The following CADM2 variants were observed in gnomAD, a reference collection of about 807,000 sequenced individuals.
CADM2 encodes the protein cell adhesion molecule 2.
In CADM2, 12 loss-of-function variants were observed where a neutral mutation model predicts 49.8. The observed-to-expected ratio is 0.24, with a 90% CI of 0.15 to 0.39. CADM2 has a LOEUF of 0.39. Among genes scored for constraint, CADM2 ranks in the 10% least tolerant of loss-of-function variants. The pLI is 1.00. For missense variants in CADM2, 378 were observed against 492.3 expected (o/e 0.77, Z 2.20); for synonymous variants, 214 against 175.4 (o/e 1.22, Z -1.74).
chr3:84,966,102 G>T (rs1358104240), intron 1 of CADM2, among the ~76,000 whole-genome samples: 1 of 152,124 alleles, frequency 6.6e-6, no homozygotes, highest in Non-Finnish European at 1.5e-5. Flanking sequence ...AGCCCAGTTG[G>T]TCCTGTTAAT....
At chr3:85,960,241 G>A (rs1724648349) in intron 7 of CADM2, among the ~76,000 whole-genome samples, 1 of 151,736 alleles carries the variant, frequency 6.6e-6, no homozygotes, top group Admixed American at 6.6e-5. Context: ...TGTTAGAATG[G>A]TATATATCCT....
At chr3:85,088,618 C>T (rs546280266) in intron 1 of CADM2, among the ~76,000 whole-genome samples, 2 of 151,814 alleles carry the variant, frequency 1.3e-5, no homozygotes, top group East Asian at 1.9e-4. Context: ...TTATTTGGAT[C>T]AAATAAGCAG....
chr3:85,388,759 T>C (rs2034372211), intron 1 of CADM2, among the ~76,000 whole-genome samples: 1 of 151,946 alleles, frequency 6.6e-6, no homozygotes, highest in African/African-American at 2.4e-5. Flanking sequence ...TAAAACAAAA[T>C]TGACAACCTA....
At chr3:85,488,141 G>C (rs2039507598) in intron 1 of CADM2, among the ~76,000 whole-genome samples, 1 of 152,112 alleles carries the variant, frequency 6.6e-6, no homozygotes, top group South Asian at 2.1e-4. Context: ...TTCACGTAAT[G>C]AGGAACCCCT....
At chr3:85,772,006 T>G (rs2070117191) in intron 2 of CADM2, among the ~76,000 whole-genome samples, 1 of 142,750 alleles carries the variant, frequency 7.0e-6, no homozygotes, top group African/African-American at 2.7e-5. Flanking sequence ...TTTTCTTTCT[T>G]TCTTTTTTTT....
At chr3:86,014,853 T>A (rs1732010625) in intron 8 of CADM2, 3 of 1,518,888 alleles carry the variant, frequency 2.0e-6, no homozygotes, top group Admixed American at 4.1e-5. Context: ...TGACATCAAG[T>A]TTTTTCCTAA....
chr3:85,725,560 C>G (rs2067665656), intron 1 of CADM2, among the ~76,000 whole-genome samples: 1 of 151,952 alleles, frequency 6.6e-6, no homozygotes, highest in Non-Finnish European at 1.5e-5. Context: ...GACTATATCA[C>G]TTCAGAAGTA....
intron 8 of CADM2, among the ~76,000 whole-genome samples, chr3:86,049,773 C>G (rs1737131115): frequency 1.3e-5 from 2 of 152,094 alleles, no homozygotes. Flanking sequence ...AACTCACTCA[C>G]TATCAAGAGA....
chr3:85,132,696 T>C (rs1165712095), intron 1 of CADM2, among the ~76,000 whole-genome samples: 1 of 152,086 alleles, frequency 6.6e-6, no homozygotes, highest in Non-Finnish European at 1.5e-5. Context: ...AAATTATGCC[T>C]TCACTAAGGA....
chr3:85,576,314 C>T (rs985890151), intron 1 of CADM2, among the ~76,000 whole-genome samples: 15 of 152,032 alleles, frequency 9.9e-5, no homozygotes, highest in African/African-American at 3.6e-4. Flanking sequence ...ATATGGTCCT[C>T]AAAGCTGAGA....
intron 1 of CADM2, among the ~76,000 whole-genome samples, chr3:85,500,096 G>A (rs2040054340): frequency 6.6e-6 from 1 of 152,044 alleles, no homozygotes; most frequent in South Asian, 2.1e-4. Flanking sequence ...AATAATATTA[G>A]GGAGAGCATT....
chr3:85,231,344 T>C (rs981574185), intron 1 of CADM2, among the ~76,000 whole-genome samples: 1 of 152,162 alleles, frequency 6.6e-6, no homozygotes, highest in Non-Finnish European at 1.5e-5. Flanking sequence ...TGTGGCCTTT[T>C]TACATTTTCA....
chr3:84,989,288 C>T (rs1228849332), intron 1 of CADM2, among the ~76,000 whole-genome samples: 1 of 152,106 alleles, frequency 6.6e-6, no homozygotes, highest in Admixed American at 6.5e-5. Context: ...TCCCTTCCTG[C>T]CCTTTGGAAC....
At chr3:85,131,692 C>T (rs1182635056) in intron 1 of CADM2, among the ~76,000 whole-genome samples, 2 of 152,024 alleles carry the variant, frequency 1.3e-5, no homozygotes, top group Non-Finnish European at 2.9e-5. Context: ...GTCATAATGA[C>T]CCTTTTGAAA....
chr3:85,961,677 G>C, intron 8 of CADM2, 30 bp downstream of exon 8: 1 of 1,463,434 alleles, frequency 6.8e-7, no homozygotes, highest in South Asian at 1.5e-5. Flanking sequence ...CATTATATGT[G>C]AAAGGATGCA....
intron 1 of CADM2, among the ~76,000 whole-genome samples, chr3:85,581,685 C>T (rs1368090799): frequency 1.3e-5 from 2 of 151,976 alleles, no homozygotes; most frequent in Non-Finnish European, 2.9e-5. Flanking sequence ...TAAACTTGCT[C>T]ATACATGGAA....
At chr3:85,675,795 C>T (rs573770994) in intron 1 of CADM2, among the ~76,000 whole-genome samples, 1 of 152,012 alleles carries the variant, frequency 6.6e-6, no homozygotes, top group South Asian at 2.1e-4. Context: ...AAATTTTATC[C>T]TAAAATTTAA....
chr3:85,787,684 T>C (rs980376233), intron 2 of CADM2, among the ~76,000 whole-genome samples: 4 of 152,174 alleles, frequency 2.6e-5, no homozygotes, highest in Non-Finnish European at 5.9e-5. Context: ...AAACCCATCT[T>C]GTTCAAGGGT....
At chr3:85,860,816 T>C (rs1354327431) in intron 3 of CADM2, among the ~76,000 whole-genome samples, 1 of 151,898 alleles carries the variant, frequency 6.6e-6, no homozygotes, top group African/African-American at 2.4e-5. Flanking sequence ...ACAATCAGGG[T>C]GGTCAGATGA....
Sources: allele counts gnomAD v4.1 joint callset (sites outside exome capture counted in the v4.1 genomes callset), GRCh38; gene constraint gnomAD v4.1.1; transcripts MANE v1.5; gene names NCBI Gene and HGNC (gene_info 2026-07-23, HGNC 2026-07-21).